Variants in TM9SF2 observed in about 807,000 individuals in gnomAD.
TM9SF2 encodes the protein transmembrane 9 superfamily member 2.
TM9SF2 carries 13 observed loss-of-function variants against 84.9 expected under a neutral mutation model. That is an observed-to-expected ratio of 0.15 (90% confidence interval 0.10 to 0.24). TM9SF2 has a LOEUF of 0.24. TM9SF2 is among the 10% of genes least tolerant of loss of function. The pLI, the probability that TM9SF2 is intolerant of heterozygous loss-of-function variation, is 1.00. For missense variants in TM9SF2, 562 were observed against 818.5 expected, an observed-to-expected ratio of 0.69 and a Z score of 3.82; for synonymous variants, 273 against 285.8, an observed-to-expected ratio of 0.96 and a Z score of 0.45.
intron 1 of TM9SF2, among the ~76,000 whole-genome samples, chr13:99,515,431 C>T (rs2046129756): frequency 6.6e-6 from 1 of 152,180 alleles, no homozygotes; most frequent in Non-Finnish European, 1.5e-5. Flanking sequence ...ATATCATGTC[C>T]TATTACCTTG....
chr13:99,515,502 G>C (rs1469325974), intron 1 of TM9SF2, among the ~76,000 whole-genome samples: 1 of 152,186 alleles, frequency 6.6e-6, no homozygotes, highest in Non-Finnish European at 1.5e-5. Flanking sequence ...AGAGGTGTAG[G>C]GGCCACATAT....
chr13:99,529,733 C>A, intron 4 of TM9SF2, 139 bp downstream of exon 4: 2 of 882,378 alleles, frequency 2.3e-6, no homozygotes, highest in Non-Finnish European at 3.2e-6. Flanking sequence ...GTGGTCGTAG[C>A]TTGAAGTAGT....
rs1042455543 is a variant in TM9SF2 at position 99,540,822 on chromosome 13, C to G, written c.908+29C>G. On this transcript the variant is annotated intron_variant, in intron 8 of 16. Transcript: ENST00000376387. Reference sequence around the variant, plus strand: ...AGAGTACAGAGTTAGCCTGCTTTTGCTTTCTACTTTTCTACCCTCTGTCCC... The same window carrying G: ...AGAGTACAGAGTTAGCCTGCTTTTGGTTTCTACTTTTCTACCCTCTGTCCC... 3.8e-5 allele frequency: 60 copies of G among 1,577,268 alleles called. 1 individual carries two copies. The highest frequency in any genetic ancestry group is 4.6e-5 in the Non-Finnish European group (53 of 1,147,940).
At chr13:99,529,661 A>G (rs4772217) in intron 4 of TM9SF2, 67 bp downstream of exon 4, 773,672 of 1,381,942 alleles carry the variant, frequency 0.56, 221,742 homozygotes, top group East Asian at 0.7. Flanking sequence ...TGCTTTGACT[A>G]TATAAATTAC....
At chr13:99,542,859 C>G (rs2046266711) in intron 9 of TM9SF2, among the ~76,000 whole-genome samples, 1 of 152,156 alleles carries the variant, frequency 6.6e-6, no homozygotes, top group South Asian at 2.1e-4. Context: ...ACAACCCTGT[C>G]CTACTTCCCA....
chr13:99,507,287 C>T (rs1314451611), intron 1 of TM9SF2, among the ~76,000 whole-genome samples: 2 of 152,154 alleles, frequency 1.3e-5, no homozygotes, highest in Admixed American at 6.6e-5. Context: ...TTGCCTTTCC[C>T]CTGGGGATCC....
intron 3 of TM9SF2, among the ~76,000 whole-genome samples, chr13:99,521,682 A>G (rs1422759801): frequency 6.6e-6 from 1 of 152,058 alleles, no homozygotes; most frequent in Non-Finnish European, 1.5e-5. Flanking sequence ...GACTGTAAAT[A>G]TATCCTCTTC....
chr13:99,536,275 C>T (rs1594054903), intron 4 of TM9SF2, among the ~76,000 whole-genome samples: 1 of 148,694 alleles, frequency 6.7e-6, no homozygotes, highest in African/African-American at 2.5e-5. Flanking sequence ...TTTATCCTTT[C>T]AAAAAAGGTA....
At chr13:99,526,146 A>G (rs2046182487) in intron 3 of TM9SF2, among the ~76,000 whole-genome samples, 1 of 152,204 alleles carries the variant, frequency 6.6e-6, no homozygotes, top group Non-Finnish European at 1.5e-5. Context: ...CCTGTGAGTG[A>G]GGAGGGAGGC....
At chr13:99,508,224 G>A (rs1566561994) in intron 1 of TM9SF2, among the ~76,000 whole-genome samples, 1 of 152,114 alleles carries the variant, frequency 6.6e-6, no homozygotes, top group Non-Finnish European at 1.5e-5. Flanking sequence ...AAATAACCTA[G>A]GTGGGGACAG....
chr13:99,541,463 G>A, intron 8 of TM9SF2, 96 bp from the exon 9 acceptor site: 2 of 803,126 alleles, frequency 2.5e-6, no homozygotes, highest in African/African-American at 1.8e-5. Context: ...TTTTGATCAA[G>A]ACTGTTTTAA....
intron 3 of TM9SF2, among the ~76,000 whole-genome samples, chr13:99,525,023 G>C (rs1026559067): frequency 6.6e-6 from 1 of 152,092 alleles, no homozygotes. Flanking sequence ...TCACTGATGG[G>C]TCAGGTGAGA....
chr13:99,525,599 A>AG (rs1272111195), intron 3 of TM9SF2, among the ~76,000 whole-genome samples: 1 of 141,746 alleles, frequency 7.1e-6, no homozygotes, highest in Non-Finnish European at 1.5e-5. Context: ...TCTGTAGCCC[A>AG]GGCTGGAGTG....
At chr13:99,505,297 C>T (rs1233198772) in intron 1 of TM9SF2, among the ~76,000 whole-genome samples, 8 of 151,868 alleles carry the variant, frequency 5.3e-5, no homozygotes, top group East Asian at 3.9e-4. Context: ...GGATTACAGG[C>T]GCCTGCCACC....
intron 15 of TM9SF2, among the ~76,000 whole-genome samples, chr13:99,558,618 T>C (rs901327915): frequency 6.6e-6 from 1 of 152,182 alleles, no homozygotes; most frequent in African/African-American, 2.4e-5. Context: ...TTTTAAATTT[T>C]CTTCTCAGAT....
intron 1 of TM9SF2, among the ~76,000 whole-genome samples, chr13:99,504,433 C>T (rs879591993): frequency 3.3e-5 from 5 of 152,104 alleles, no homozygotes; most frequent in Non-Finnish European, 7.4e-5. Context: ...AGGTATTTTG[C>T]ATTTCTTAGA....
intron 4 of TM9SF2, among the ~76,000 whole-genome samples, chr13:99,530,207 G>A (rs1156286233): frequency 2.0e-5 from 3 of 152,116 alleles, no homozygotes; most frequent in Non-Finnish European, 2.9e-5. Context: ...GTTGGATCAC[G>A]AGGTCAGGAG....
At chr13:99,505,107 T>C (rs1299181704) in intron 1 of TM9SF2, among the ~76,000 whole-genome samples, 1 of 152,042 alleles carries the variant, frequency 6.6e-6, no homozygotes, top group Non-Finnish European at 1.5e-5. Flanking sequence ...CACATCATTT[T>C]AATTTTTATT....
chr13:99,519,254 A>G (rs1181583108), intron 2 of TM9SF2, among the ~76,000 whole-genome samples: 3 of 149,666 alleles, frequency 2.0e-5, no homozygotes, highest in Non-Finnish European at 4.4e-5. Flanking sequence ...AAGTCAGTGG[A>G]TCTGTGGAGA....
Sources: allele counts gnomAD v4.1 joint callset (sites outside exome capture counted in the v4.1 genomes callset), GRCh38; gene constraint gnomAD v4.1.1; transcripts MANE v1.5; gene names NCBI Gene and HGNC (gene_info 2026-07-23, HGNC 2026-07-21).